The following UBE2E1 variants were observed in gnomAD, a reference collection of about 807,000 sequenced individuals.
UBE2E1 encodes the protein ubiquitin conjugating enzyme E2 E1.
UBE2E1 carries 6 observed loss-of-function variants against 21.4 expected under a neutral mutation model. The observed-to-expected ratio is 0.28, with a 90% CI of 0.15 to 0.55. The LOEUF (loss-of-function observed/expected upper bound fraction) is 0.55. UBE2E1 is among the 20% of genes least tolerant of loss of function. UBE2E1 has a pLI of 0.93. For missense variants in UBE2E1, 142 were observed against 236.5 expected (o/e 0.60, Z 2.62); for synonymous variants, 87 against 82.7 (o/e 1.05, Z -0.28).
At position 23,842,198 on chromosome 3, in the gene UBE2E1, GGTGTGTGT is replaced by G. The variant is rs55941535; in HGVS notation, c.203+30732_203+30739del. Among the ~76,000 whole-genome samples, 33 of 104,350 alleles carry G rather than the reference GGTGTGTGT, an allele frequency of 3.2e-4. No homozygotes were observed. Among genetic ancestry groups the G allele is most frequent in the African/African-American group, 6.9e-4 (19 of 27,696 alleles). 68.5% of individuals were successfully genotyped at this position (104,350 alleles called of 152,430 possible). A position where few individuals can be genotyped will look rare whatever the true frequency, so the allele number is the denominator to read the frequency against. ...TATGTCATGACCCAGTAAGTGAAGGGGTGTGTGTGTGTGTGTGTGTGTGTGTGTGTGTG... is the reference window on the plus strand; with the variant it reads ...TATGTCATGACCCAGTAAGTGAAGGGGTGTGTGTGTGTGTGTGTGTGTGTG... On this transcript the variant is annotated intron_variant, in intron 3 of 5. Coordinates refer to ENST00000306627, the MANE Select transcript of UBE2E1 (RefSeq NM_003341.5). This position sits in a 1 kb window ranked among gnomAD's most constrained non-coding sequence, Gnocchi z 4.6.
chr3:23,814,181 C>T (rs73822593), intron 3 of UBE2E1, among the ~76,000 whole-genome samples: 1,916 of 152,146 alleles, frequency 0.013, 49 homozygotes, highest in African/African-American at 0.044. Context: ...TATTGCAAAT[C>T]AGTAGAATTG....
At chr3:23,868,195 T>C (rs557213472) in intron 3 of UBE2E1, among the ~76,000 whole-genome samples, 7 of 152,248 alleles carry the variant, frequency 4.6e-5, no homozygotes, top group Non-Finnish European at 8.8e-5. Flanking sequence ...GTAAGAATTA[T>C]TGATAGCCCA....
At position 23,863,044 on chromosome 3, in the gene UBE2E1, C is replaced by A. The variant is rs1206241652; in HGVS notation, c.204-24523C>A. On this transcript the variant is annotated intron_variant, in intron 3 of 5. Coordinates refer to ENST00000306627, the MANE Select transcript of UBE2E1 (RefSeq NM_003341.5). This position sits in a 1 kb window ranked among gnomAD's most constrained non-coding sequence, Gnocchi z 4.3. ...ACATAGTTTAAAGGCTTTAATATTT[C>A]TTTGTTTGTTAAAAAAAAAAAAAAA... Among the ~76,000 whole-genome samples, 1 of 107,580 alleles carries A rather than the reference C, an allele frequency of 9.3e-6. No homozygotes were observed. Among genetic ancestry groups the A allele is most frequent in the Non-Finnish European group, 1.8e-5 (1 of 54,174 alleles). 70.6% of individuals were successfully genotyped at this position (107,580 alleles called of 152,430 possible).
chr3:23,888,161 G>A, intron 4 of UBE2E1: 1 of 454,868 alleles, frequency 2.2e-6, no homozygotes, highest in Non-Finnish European at 4.4e-6. Flanking sequence ...AACAACTAGA[G>A]AATCAGAATC....
rs1553637704 is a variant in UBE2E1 at position 23,842,198 on chromosome 3, G to GGGTGTGTGT, written c.203+30689_203+30690insGTGTGTGTG. On this transcript the variant is annotated intron_variant, in intron 3 of 5. Transcript: ENST00000306627. This position sits in a 1 kb window ranked among gnomAD's most constrained non-coding sequence, Gnocchi z 4.6. ...TATGTCATGACCCAGTAAGTGAAGG[G>GGGTGTGTGT]GTGTGTGTGTGTGTGTGTGTGTGTG... Among the ~76,000 whole-genome samples the GGGTGTGTGT allele has an allele frequency of 1.9e-5, 2 of 104,284 alleles. No individual in the cohort carries two copies. The highest frequency in any genetic ancestry group is 1.0e-4 in the Admixed American group (1 of 9,650). The allele number at this position is 104,284 out of a possible 152,430, so 68.4% of individuals were successfully genotyped here. A position where few individuals can be genotyped will look rare whatever the true frequency, so the allele number is the denominator to read the frequency against.
chr3:23,822,629 G>C (rs946131735), intron 3 of UBE2E1, among the ~76,000 whole-genome samples: 1 of 152,112 alleles, frequency 6.6e-6, no homozygotes, highest in African/African-American at 2.4e-5. Flanking sequence ...TTCAAGACTT[G>C]GTTTGAAATT....
chr3:23,818,630 C>T (rs751209117), intron 3 of UBE2E1, among the ~76,000 whole-genome samples: 5 of 152,156 alleles, frequency 3.3e-5, no homozygotes, highest in Admixed American at 1.3e-4. Flanking sequence ...TGAAAGTGAG[C>T]ATTTTGATGC....
intron 3 of UBE2E1, among the ~76,000 whole-genome samples, chr3:23,849,735 G>A (rs933608950): frequency 6.6e-5 from 10 of 151,956 alleles, no homozygotes; most frequent in Admixed American, 2.0e-4. Flanking sequence ...TATGTGCCAC[G>A]TTTTCTTTAT....
At chr3:23,877,839 G>T (rs1489204351) in intron 3 of UBE2E1, among the ~76,000 whole-genome samples, 1 of 152,102 alleles carries the variant, frequency 6.6e-6, no homozygotes, top group Admixed American at 6.6e-5. Context: ...TTATTTTTAC[G>T]AAACATTAGT....
intron 3 of UBE2E1, among the ~76,000 whole-genome samples, chr3:23,843,218 C>G (rs1700131410): frequency 6.6e-6 from 1 of 152,020 alleles, no homozygotes; most frequent in African/African-American, 2.4e-5. Context: ...ATTAGGTTAC[C>G]ATAATACCTG....
rs1019975485 is a variant in UBE2E1, at chr3:23,842,420, A to AT, written c.203+30917dup. Among the ~76,000 whole-genome samples, 4 of 151,688 alleles carry AT rather than the reference A, an allele frequency of 2.6e-5. No homozygotes were observed. Among genetic ancestry groups the AT allele is most frequent in the African/African-American group, 4.8e-5 (2 of 41,254 alleles). On this transcript the variant is annotated intron_variant, in intron 3 of 5. Coordinates refer to ENST00000306627, the MANE Select transcript of UBE2E1 (RefSeq NM_003341.5). This position sits in a 1 kb window ranked among gnomAD's most constrained non-coding sequence, Gnocchi z 4.6. ...GCCACGATTCCCAGCTAATTTTTCT[A>AT]TTTTTTTGTGGAGACGGAGTCGTGC...
chr3:23,887,277 T>C lies in UBE2E1; in HGVS notation c.204-290T>C, dbSNP rs1383550109. Among the ~76,000 whole-genome samples, 2 of 152,234 alleles carry C rather than the reference T, an allele frequency of 1.3e-5. No individual in the cohort carries two copies. Among genetic ancestry groups the C allele is most frequent in the African/African-American group, 2.4e-5 (1 of 41,462 alleles). ...GATGTGTTTCCCATTTTAAGTATTG[T>C]TTACACTTTCCTACGTGTCCAGGAG... On this transcript the variant is annotated intron_variant, in intron 3 of 5. Coordinates refer to ENST00000306627, the MANE Select transcript of UBE2E1 (RefSeq NM_003341.5). The surrounding 1 kb of genome is among the most constrained non-coding windows in gnomAD (Gnocchi z 4.4).
intron 3 of UBE2E1, among the ~76,000 whole-genome samples, chr3:23,886,126 A>G (rs1701177570): frequency 6.6e-6 from 1 of 152,170 alleles, no homozygotes; most frequent in Non-Finnish European, 1.5e-5. Context: ...ACTTGAGCCT[A>G]GAAGTCAAGG....
Position 23,876,913 on chromosome 3 carries a change from G to A in UBE2E1, c.204-10654G>A, listed in dbSNP as rs1157660996. On this transcript the variant is annotated intron_variant, in intron 3 of 5. Coordinates refer to ENST00000306627, the MANE Select transcript of UBE2E1 (RefSeq NM_003341.5). This position sits in a 1 kb window ranked among gnomAD's most constrained non-coding sequence, Gnocchi z 4.3. ...TTAAAAATTAGCCAGGTGTGGTGAT[G>A]CACGCCTGTAATCCTAGCAACTCAG... Among the ~76,000 whole-genome samples, 1 of 152,150 alleles carries A rather than the reference G, an allele frequency of 6.6e-6. No homozygotes were observed. Among genetic ancestry groups the A allele is most frequent in the Non-Finnish European group, 1.5e-5 (1 of 68,038 alleles).
At chr3:23,889,018 T>A (rs1256768456) in intron 4 of UBE2E1, 94 bp from the exon 5 acceptor site, 11 of 1,299,222 alleles carry the variant, frequency 8.5e-6, no homozygotes, top group Non-Finnish European at 7.3e-6. Flanking sequence ...TAATTAAAAC[T>A]GCTTTTAGTC....
At chr3:23,885,765 C>T (rs1701167074) in intron 3 of UBE2E1, among the ~76,000 whole-genome samples, 1 of 152,068 alleles carries the variant, frequency 6.6e-6, no homozygotes, top group Non-Finnish European at 1.5e-5. Context: ...GAGGCTGAGG[C>T]AAGAGAATCG....
intron 3 of UBE2E1, among the ~76,000 whole-genome samples, chr3:23,846,668 C>G (rs1700210362): frequency 7.8e-6 from 1 of 128,072 alleles, no homozygotes; most frequent in Non-Finnish European, 1.5e-5. Context: ...TGCACTGCAG[C>G]CTGGGCGACA....
chr3:23,838,347 A>G (rs140745790), intron 3 of UBE2E1, among the ~76,000 whole-genome samples: 448 of 152,286 alleles, frequency 2.9e-3, no homozygotes, highest in African/African-American at 9.8e-3. Context: ...GATTACAGGC[A>G]TGAACCACCA....
At chr3:23,857,562 C>G (rs866056453) in intron 3 of UBE2E1, among the ~76,000 whole-genome samples, 1 of 152,174 alleles carries the variant, frequency 6.6e-6, no homozygotes, top group African/African-American at 2.4e-5. Flanking sequence ...CCTGTCGAGT[C>G]ACGTTACACT....
Sources: gnomAD v4.1 joint callset for allele counts (sites outside exome capture counted in the v4.1 genomes callset) on GRCh38, gnomAD v4.1.1 for gene constraint, Gnocchi (gnomAD v3.1) non-coding constraint, MANE v1.5 for transcripts, NCBI Gene and HGNC (gene_info 2026-07-23, HGNC 2026-07-21) for gene names.